The following GRM7 variants were observed in gnomAD, a reference collection of about 807,000 sequenced individuals.
The protein encoded by GRM7 is metabotropic glutamate receptor 7.
GRM7 carries 35 observed loss-of-function variants against 84.5 expected under a neutral mutation model. The observed-to-expected ratio is 0.41, with a 90% CI of 0.32 to 0.55. The LOEUF (loss-of-function observed/expected upper bound fraction) is 0.55, where lower values mean the gene tolerates loss of function less well. Among genes scored for constraint, GRM7 ranks in the 20% least tolerant of loss-of-function variants. GRM7 has a pLI of 0.19. For synonymous variants in GRM7, 487 were observed against 455.1 expected, an observed-to-expected ratio of 1.07 and a Z score of -0.89; for missense variants, 1,003 against 1,194.6, an observed-to-expected ratio of 0.84 and a Z score of 2.36.
At chr3:7,494,360 G>T (rs544319792) in intron 7 of GRM7, among the ~76,000 whole-genome samples, 3 of 152,262 alleles carry the variant, frequency 2.0e-5, no homozygotes, top group Admixed American at 6.5e-5. Flanking sequence ...TTCCCTACAG[G>T]TTGCATCATT....
intron 1 of GRM7, among the ~76,000 whole-genome samples, chr3:6,923,978 T>C (rs1442043362): frequency 6.6e-6 from 1 of 152,232 alleles, no homozygotes; most frequent in Non-Finnish European, 1.5e-5. Flanking sequence ...TGATGACATC[T>C]GATACTTATT....
At chr3:7,560,941 C>T (rs1693996264) in intron 7 of GRM7, among the ~76,000 whole-genome samples, 1 of 152,136 alleles carries the variant, frequency 6.6e-6, no homozygotes, top group South Asian at 2.1e-4. Context: ...ACAATTTTAT[C>T]CTAATGGATA....
chr3:7,635,214 AAG>A (rs1018229633), intron 8 of GRM7, among the ~76,000 whole-genome samples: 3 of 152,248 alleles, frequency 2.0e-5, no homozygotes, highest in African/African-American at 4.8e-5. Context: ...GAATAAAAGT[AAG>A]AGGAAGAAAT....
rs33945077 is a variant in GRM7, at chr3:6,901,604, TAAAAAAAAAAAAAAAAAA to T, written c.519+39713_519+39730del. ...CCTGGTGACAGAGCAAGACTCCGTC[TAAAAAAAAAAAAAAAAAA>T]AAAAAAAAAAAAAAATATGTAGAAT... On this transcript the variant is annotated intron_variant, in intron 1 of 9. Coordinates refer to ENST00000357716, the MANE Select transcript of GRM7 (RefSeq NM_000844.4). Among the ~76,000 whole-genome samples the T allele has an allele frequency of 1.7e-4, 7 of 40,498 alleles. No homozygotes were observed. In the East Asian group the frequency reaches 9.0e-3, roughly 52 times the overall value. 26.6% of individuals were successfully genotyped at this position (40,498 alleles called of 152,430 possible). A position where few individuals can be genotyped will look rare whatever the true frequency, so the allele number is the denominator to read the frequency against.
At chr3:7,307,591 C>G (rs2125036396) in intron 4 of GRM7, among the ~76,000 whole-genome samples, 1 of 152,310 alleles carries the variant, frequency 6.6e-6, no homozygotes, top group African/African-American at 2.4e-5. Context: ...GTGGTTCTGT[C>G]ACTGTTTCCT....
chr3:7,606,952 T>C (rs1466496516), intron 8 of GRM7: 1 of 152,228 alleles, frequency 6.6e-6, no homozygotes, highest in Non-Finnish European at 1.5e-5. Flanking sequence ...GGTAACACTT[T>C]ATATTGCAGA....
intron 8 of GRM7, among the ~76,000 whole-genome samples, chr3:7,646,612 T>C (rs1698654236): frequency 6.6e-6 from 1 of 152,170 alleles, no homozygotes; most frequent in Non-Finnish European, 1.5e-5. Flanking sequence ...ATGCTTGTAA[T>C]TTTTTGTCAA....
At chr3:7,435,851 C>CTTTT (rs34860272) in intron 5 of GRM7, among the ~76,000 whole-genome samples, 13 of 89,250 alleles carry the variant, frequency 1.5e-4, no homozygotes, top group Middle Eastern at 8.2e-3. Context: ...CCACACCCAT[C>CTTTT]TTTTTTTTTT....
At chr3:6,906,021 G>A (rs1031249213) in intron 1 of GRM7, among the ~76,000 whole-genome samples, 5 of 152,144 alleles carry the variant, frequency 3.3e-5, no homozygotes, top group African/African-American at 1.2e-4. Context: ...ACCTTTATTT[G>A]GCTTAAGATA....
chr3:7,674,317 G>T (rs1036633469), intron 8 of GRM7, among the ~76,000 whole-genome samples: 1 of 151,478 alleles, frequency 6.6e-6, no homozygotes, highest in Non-Finnish European at 1.5e-5. Context: ...TCAGCCTCCC[G>T]AGTAGCTGGG....
chr3:7,717,766 G>A (rs890655750), intron 9 of GRM7, among the ~76,000 whole-genome samples: 1 of 152,228 alleles, frequency 6.6e-6, no homozygotes, highest in Non-Finnish European at 1.5e-5. Flanking sequence ...CAGAGGCAGG[G>A]AGGAAGGAGA....
At chr3:7,542,150 C>A (rs930999805) in intron 7 of GRM7, among the ~76,000 whole-genome samples, 1 of 152,152 alleles carries the variant, frequency 6.6e-6, no homozygotes, top group African/African-American at 2.4e-5. Flanking sequence ...CTGCAAATAC[C>A]CTATTTCCAA....
chr3:7,711,447 G>A (rs1575659732), intron 9 of GRM7, among the ~76,000 whole-genome samples: 1 of 152,162 alleles, frequency 6.6e-6, no homozygotes, highest in African/African-American at 2.4e-5. Flanking sequence ...AATGAGGTCA[G>A]AATTGCAGTT....
In GRM7 at chr3:7,461,577, C is replaced by T. The variant is rs777808033; in HGVS notation, c.1376-6C>T. ...TAGAATCTTTCATTTTTTCTGTCTT[C>T]CTTAGGTAGTGCTGGCACTCCAGTG... On this transcript the variant is annotated splice_polypyrimidine_tract_variant and splice_region_variant and intron_variant, in intron 6 of 9. Coordinates refer to ENST00000357716, the MANE Select transcript of GRM7 (RefSeq NM_000844.4). 1.2e-6 allele frequency: 2 copies of T among 1,609,088 alleles called. No homozygotes were observed. The highest frequency in any genetic ancestry group is 1.7e-6 in the Non-Finnish European group (2 of 1,175,774).
chr3:7,536,994 C>G (rs1575467622), intron 7 of GRM7, among the ~76,000 whole-genome samples: 2 of 152,238 alleles, frequency 1.3e-5, no homozygotes, highest in South Asian at 2.1e-4. Context: ...AATGTTGCTT[C>G]CATGGGCAAG....
intron 8 of GRM7, among the ~76,000 whole-genome samples, chr3:7,612,702 C>G (rs1696898790): frequency 6.6e-6 from 1 of 152,068 alleles, no homozygotes; most frequent in African/African-American, 2.4e-5. Flanking sequence ...GGAAGGATAA[C>G]TAGTAAAGAT....
At chr3:7,675,710 C>T (rs1025168006) in intron 8 of GRM7, among the ~76,000 whole-genome samples, 3 of 152,158 alleles carry the variant, frequency 2.0e-5, no homozygotes, top group Non-Finnish European at 2.9e-5. Context: ...AACACTATTA[C>T]TTAATCAACA....
At chr3:7,154,909 G>A (rs1694399910) in intron 2 of GRM7, among the ~76,000 whole-genome samples, 1 of 152,040 alleles carries the variant, frequency 6.6e-6, no homozygotes, top group South Asian at 2.1e-4. Flanking sequence ...TCCTACTTCT[G>A]TATCTCATCG....
chr3:7,645,566 A>G (rs1372892726), intron 8 of GRM7, among the ~76,000 whole-genome samples: 5 of 149,906 alleles, frequency 3.3e-5, no homozygotes, highest in African/African-American at 7.5e-5. Flanking sequence ...AAAAAAAAAA[A>G]AAAAAGAAAA....
Sources: gnomAD v4.1 joint callset for allele counts (sites outside exome capture counted in the v4.1 genomes callset) on GRCh38, gnomAD v4.1.1 for gene constraint, MANE v1.5 for transcripts, NCBI Gene and HGNC (gene_info 2026-07-23, HGNC 2026-07-21) for gene names.